CCDC148: variants seen among roughly 807,000 people sequenced by gnomAD.
CCDC148 encodes the protein coiled-coil domain-containing protein 148.
CCDC148 carries 89 observed loss-of-function variants against 85.7 expected under a neutral mutation model. The observed-to-expected ratio is 1.04, with a 90% CI of 0.87 to 1.24. CCDC148 has a LOEUF of 1.24. Ranked by LOEUF, CCDC148 falls within the 50% of genes most tolerant of loss-of-function variation. The probability of loss-of-function intolerance (pLI) is 0.00; values close to 1 mark genes in which losing one functional copy is unlikely to be tolerated. For missense variants in CCDC148, 692 were observed against 671.7 expected, an observed-to-expected ratio of 1.03 and a Z score of -0.33; for synonymous variants, 230 against 213.9, an observed-to-expected ratio of 1.08 and a Z score of -0.66.
At chr2:158,317,761 T>G (rs1178067817) in intron 7 of CCDC148, among the ~76,000 whole-genome samples, 1 of 152,146 alleles carries the variant, frequency 6.6e-6, no homozygotes, top group Non-Finnish European at 1.5e-5. Flanking sequence ...AGAAACAAGT[T>G]TATGAAACTA....
At chr2:158,390,216 T>C (rs1470843602) in intron 1 of CCDC148, among the ~76,000 whole-genome samples, 1 of 152,136 alleles carries the variant, frequency 6.6e-6, no homozygotes, top group African/African-American at 2.4e-5. Flanking sequence ...ATTATATGGC[T>C]CAATTCCTCC....
chr2:158,403,393 A>C (rs1030580175), intron 1 of CCDC148, among the ~76,000 whole-genome samples: 4 of 152,070 alleles, frequency 2.6e-5, no homozygotes, highest in African/African-American at 4.8e-5. Context: ...CCATACATAC[A>C]GACACCTTCT....
rs1427632199 is a variant in CCDC148 at position 158,171,618 on chromosome 2, A to G, written c.*495T>C. On this transcript the variant is annotated 3_prime_UTR_variant, in exon 14 of 14. Transcript: ENST00000283233. ...TTTGGATGATTGGTTTGCAGTAAAC[A>G]TGGTGTACCAAATTGGTTTCTAAAT... 6.6e-6 allele frequency: 1 copy of G among 151,954 alleles called. No homozygotes were observed. Among genetic ancestry groups the G allele is most frequent in the Non-Finnish European group, 1.5e-5 (1 of 67,932 alleles). The allele number at this position is 151,954 out of a possible 1,614,324, so 9.4% of individuals were successfully genotyped here. A position where few individuals can be genotyped will look rare whatever the true frequency, so the allele number is the denominator to read the frequency against.
intron 1 of CCDC148, among the ~76,000 whole-genome samples, chr2:158,435,503 G>C (rs1393257393): frequency 1.3e-5 from 2 of 152,154 alleles, no homozygotes; most frequent in African/African-American, 4.8e-5. Context: ...GCAACAACTG[G>C]TACTGGCCAC....
intron 10 of CCDC148, among the ~76,000 whole-genome samples, chr2:158,224,366 A>G (rs55773446): frequency 0.026 from 3,999 of 152,378 alleles, 71 homozygotes; most frequent in Middle Eastern, 0.041. Context: ...GATGGGGAGA[A>G]TGGAAACAAG....
At chr2:158,328,186 C>A (rs1692887713) in intron 7 of CCDC148, among the ~76,000 whole-genome samples, 1 of 152,060 alleles carries the variant, frequency 6.6e-6, no homozygotes, top group Non-Finnish European at 1.5e-5. Flanking sequence ...ACAACAGGCC[C>A]CAGTGTGCGA....
chr2:158,422,365 A>G (rs983324184), intron 1 of CCDC148, among the ~76,000 whole-genome samples: 12 of 152,178 alleles, frequency 7.9e-5, no homozygotes, highest in Non-Finnish European at 1.2e-4. Context: ...CGAATCCAGC[A>G]TATCAAAAAG....
chr2:158,298,013 T>A (rs1050478816), intron 9 of CCDC148, among the ~76,000 whole-genome samples: 12 of 151,976 alleles, frequency 7.9e-5, no homozygotes, highest in African/African-American at 2.9e-4. Context: ...TGGCTGGGAG[T>A]CCTCAGGAAA....
chr2:158,413,312 C>A (rs924834913), intron 1 of CCDC148, among the ~76,000 whole-genome samples: 14 of 151,934 alleles, frequency 9.2e-5, no homozygotes, highest in Non-Finnish European at 1.9e-4. Context: ...ACAAATCACC[C>A]CAGAGAGATT....
At chr2:158,277,741 C>A (rs548662415) in intron 9 of CCDC148, among the ~76,000 whole-genome samples, 3 of 152,110 alleles carry the variant, frequency 2.0e-5, no homozygotes, top group South Asian at 4.1e-4. Flanking sequence ...GGACTACAGG[C>A]GCCCGCCATC....
chr2:158,394,448 G>A (rs1685441436), intron 1 of CCDC148, among the ~76,000 whole-genome samples: 1 of 152,036 alleles, frequency 6.6e-6, no homozygotes, highest in African/African-American at 2.4e-5. Context: ...GTTACAAGAA[G>A]GCATGAGCAA....
chr2:158,352,824 G>C (rs1277246434), intron 2 of CCDC148, among the ~76,000 whole-genome samples: 1 of 152,108 alleles, frequency 6.6e-6, no homozygotes. Context: ...GGCAGCCAGA[G>C]AGAAAGGTCG....
chr2:158,358,702 T>C (rs1683787279), intron 1 of CCDC148, 132 bp from the exon 2 acceptor site: 1 of 389,822 alleles, frequency 2.6e-6, no homozygotes. Context: ...AGAAATAATA[T>C]ATTACAATAT....
At position 158,368,095 on chromosome 2, in the gene CCDC148, G is replaced by A. The variant is rs116383296; in HGVS notation, c.26-9525C>T. On this transcript the variant is annotated intron_variant, in intron 1 of 13. Transcript: ENST00000283233. ...GGTTTATTTCATAATTAATACACTG[G>A]CCAAACCCAACCTGAGCTGCAATCA... Among the ~76,000 whole-genome samples, 1,130 of 152,058 alleles carry A rather than the reference G, an allele frequency of 7.4e-3. 20 individuals carry two copies. The highest frequency in any genetic ancestry group is 0.026 in the African/African-American group (1,078 of 41,486).
intron 9 of CCDC148, among the ~76,000 whole-genome samples, chr2:158,294,498 T>C (rs9288710): frequency 0.41 from 61,945 of 151,816 alleles, 13,266 homozygotes; most frequent in South Asian, 0.61. Context: ...TATAAGGAAC[T>C]GCCAAAACAA....
At chr2:158,340,566 C>T (rs1466413730) in intron 4 of CCDC148, 32 bp downstream of exon 4, 7 of 1,484,566 alleles carry the variant, frequency 4.7e-6, no homozygotes, top group Non-Finnish European at 6.4e-6. Context: ...AAATAAAACT[C>T]CCCTTTAAAT....
chr2:158,330,571 T>C (rs1022274960), intron 7 of CCDC148, among the ~76,000 whole-genome samples: 21 of 152,216 alleles, frequency 1.4e-4, no homozygotes, highest in Admixed American at 2.6e-4. Flanking sequence ...TGGAATAGGT[T>C]CAGAAGGAAT....
At chr2:158,404,179 C>G (rs907444570) in intron 1 of CCDC148, among the ~76,000 whole-genome samples, 1 of 152,002 alleles carries the variant, frequency 6.6e-6, no homozygotes, top group Non-Finnish European at 1.5e-5. Context: ...ACAGATTGAC[C>G]ACAGAATTTA....
intron 1 of CCDC148, among the ~76,000 whole-genome samples, chr2:158,452,479 C>T (rs1688443813): frequency 6.6e-6 from 1 of 152,156 alleles, no homozygotes; most frequent in South Asian, 2.1e-4. Context: ...CTTGTATCTG[C>T]TATTTCTCAA....
Sources: gnomAD v4.1 joint callset for allele counts (sites outside exome capture counted in the v4.1 genomes callset) on GRCh38, gnomAD v4.1.1 for gene constraint, MANE v1.5 for transcripts, NCBI Gene and HGNC (gene_info 2026-07-23, HGNC 2026-07-21) for gene names.